Variants in GATD1 observed in about 807,000 individuals in gnomAD.
The protein encoded by GATD1 is glutamine amidotransferase-like class 1 domain-containing protein 1.
In GATD1, 23 loss-of-function variants were observed where a neutral mutation model predicts 25.9. The ratio of observed to expected loss-of-function variants is 0.89; its 90% confidence interval spans 0.64 to 1.26. GATD1 has a LOEUF of 1.26. Among genes scored for constraint, GATD1 ranks in the 50% most tolerant of loss-of-function variants. The probability of loss-of-function intolerance (pLI) is 0.00; values close to 1 mark genes in which losing one functional copy is unlikely to be tolerated. For missense variants in GATD1, 347 were observed against 312.5 expected, an observed-to-expected ratio of 1.11 and a Z score of -0.83; for synonymous variants, 177 against 134.6, an observed-to-expected ratio of 1.31 and a Z score of -2.18.
chr11:777,326 T>C, intron 1 of GATD1, 73 bp downstream of exon 1: 1 of 1,152,460 alleles, frequency 8.7e-7, no homozygotes, highest in Non-Finnish European at 1.1e-6. Flanking sequence ...GCCCACCGTG[T>C]CCCGAACCTC....
At position 767,302 on chromosome 11, in the gene GATD1, C is replaced by T. The variant is rs572299947; in HGVS notation, c.*3595G>A. ...TATGGGGAAATCCTCACCCGCCCTC[C>T]GCTGCTCTTCTGGAGGTCTGTCCTC... On this transcript the variant is annotated 3_prime_UTR_variant, in exon 8 of 8. Coordinates refer to ENST00000319863, the MANE Select transcript of GATD1 (RefSeq NM_182612.4). 81 of 1,536,214 alleles carry T rather than the reference C, an allele frequency of 5.3e-5. No homozygotes were observed. The highest frequency in any genetic ancestry group is 3.4e-4 in the East Asian group (14 of 40,926).
At position 770,309 on chromosome 11, in the gene GATD1, C is replaced by A; in HGVS notation, c.*588G>T. 6.5e-7 allele frequency: 1 copy of A among 1,531,294 alleles called. No individual in the cohort carries two copies. The highest frequency in any genetic ancestry group is 8.7e-7 in the Non-Finnish European group (1 of 1,144,594). 94.9% of individuals were successfully genotyped at this position (1,531,294 alleles called of 1,614,324 possible). ...TAGGACAGGGTGCATCACTGAGGTGCTTACACTTTGAAACCACACGCCAGG... is the reference window on the plus strand; with the variant it reads ...TAGGACAGGGTGCATCACTGAGGTGATTACACTTTGAAACCACACGCCAGG... On this transcript the variant is annotated 3_prime_UTR_variant, in exon 8 of 8. Transcript: ENST00000319863.
chr11:772,534 C>T lies in GATD1; in HGVS notation c.356-13G>A, dbSNP rs745543784. ...GCGCAGATGGGTTCTGAAAGCCGTA[C>T]ATGGCGTTGAGGCCCTGGACCCCGC... On this transcript the variant is annotated splice_polypyrimidine_tract_variant and intron_variant, in intron 4 of 7. Transcript: ENST00000319863. The T allele has an allele frequency of 6.8e-6, 11 of 1,607,618 alleles. No individual in the cohort carries two copies. The highest frequency in any genetic ancestry group is 1.7e-5 in the Admixed American group (1 of 60,000).
Position 769,292 on chromosome 11 carries a change from T to C in GATD1, c.*1605A>G, listed in dbSNP as rs1863232877. ...GCAGCGCTTCCTTCTTCCACTTTTT[T>C]CCAAATTCTCCTTATTGAACGGCTT... is the stretch of plus-strand genomic sequence containing the variant. On this transcript the variant is annotated 3_prime_UTR_variant, in exon 8 of 8. Transcript: ENST00000319863. 1.0e-6 allele frequency: 1 copy of C among 985,264 alleles called. No individual in the cohort carries two copies. The highest frequency in any genetic ancestry group is 1.7e-5 in the African/African-American group (1 of 57,314). 61.0% of individuals were successfully genotyped at this position (985,264 alleles called of 1,614,324 possible).
At chr11:772,008 G>GC (rs1489147334) in intron 5 of GATD1, among the ~76,000 whole-genome samples, 1 of 152,192 alleles carries the variant, frequency 6.6e-6, no homozygotes, top group Non-Finnish European at 1.5e-5. Context: ...TGTCCACAGA[G>GC]CCCACTTCAC....
Position 767,414 on chromosome 11 carries a change from A to C in GATD1, c.*3483T>G, listed in dbSNP as rs1227865520. ...CTGTGCACAGCGGGGAGGCTCTCCA[A>C]GCCAGAGGCCTCGCACGCAGCTGAG... On this transcript the variant is annotated 3_prime_UTR_variant, in exon 8 of 8. Coordinates refer to ENST00000319863, the MANE Select transcript of GATD1 (RefSeq NM_182612.4). 3 of 1,523,176 alleles carry C rather than the reference A, an allele frequency of 2.0e-6. No homozygotes were observed. The East Asian group carries it at 7.4e-5, about 37-fold the overall frequency. 94.4% of individuals were successfully genotyped at this position (1,523,176 alleles called of 1,614,324 possible).
chr11:767,392 T>C lies in GATD1; in HGVS notation c.*3505A>G. ...CCCTGCCCTGGCAAAGAGAGAACTG[T>C]GCACAGCGGGGAGGCTCTCCAAGCC... On this transcript the variant is annotated 3_prime_UTR_variant, in exon 8 of 8. Transcript: ENST00000319863. 15 of 1,533,706 alleles carry C rather than the reference T, an allele frequency of 9.8e-6. No homozygotes were observed. The highest frequency in any genetic ancestry group is 1.3e-5 in the Non-Finnish European group (15 of 1,145,694).
At position 770,362 on chromosome 11, in the gene GATD1, C is replaced by T. The variant is rs868801475; in HGVS notation, c.*535G>A. The T allele has an allele frequency of 6.5e-7, 1 of 1,534,166 alleles. No individual in the cohort carries two copies. The highest frequency in any genetic ancestry group is 8.7e-7 in the Non-Finnish European group (1 of 1,145,938). On this transcript the variant is annotated 3_prime_UTR_variant, in exon 8 of 8. Transcript: ENST00000319863. Reference sequence around the variant, plus strand: ...GATTTCTTCAACAGGAAAGTGCTGCCAGTGCCGGTCGGCCTTGGGGCAGGA... The same window carrying T: ...GATTTCTTCAACAGGAAAGTGCTGCTAGTGCCGGTCGGCCTTGGGGCAGGA...
Position 773,615 on chromosome 11 carries a change from CAT to C in GATD1, c.260_261del (p.His87ArgfsTer30). 1 of 1,608,310 alleles carries C rather than the reference CAT, an allele frequency of 6.2e-7. No homozygotes were observed. Among genetic ancestry groups the C allele is most frequent in the Non-Finnish European group, 8.5e-7 (1 of 1,178,486 alleles). On this transcript the variant is annotated frameshift_variant, in exon 4 of 8. Transcript: ENST00000319863. LOFTEE classifies it high-confidence loss of function. ...CCAGGACAGCTGGGGATCAGGAGGG[CAT>C]GGTACCGGGCACCTGGGGGGAGACC... ...KLESIDGARY[H>X]ALLIPSCPGA...
In GATD1 at chr11:767,737, G is replaced by T; in HGVS notation, c.*3160C>A. 1.7e-6 allele frequency: 1 copy of T among 587,342 alleles called. No homozygotes were observed. The highest frequency in any genetic ancestry group is 2.3e-6 in the Non-Finnish European group (1 of 441,354). 36.4% of individuals were successfully genotyped at this position (587,342 alleles called of 1,614,324 possible). On this transcript the variant is annotated 3_prime_UTR_variant, in exon 8 of 8. Coordinates refer to ENST00000319863, the MANE Select transcript of GATD1 (RefSeq NM_182612.4). ...AGGGCAGGGGCACAGCCTCATCATG[G>T]GACCATCACCCTCACAAAAGAGGTT...
Position 767,399 on chromosome 11 carries a change from CGGGGA to C in GATD1, c.*3493_*3497del, listed in dbSNP as rs1188971009. 1.3e-6 allele frequency: 2 copies of C among 1,528,776 alleles called. No individual in the cohort carries two copies. Among genetic ancestry groups the C allele is most frequent in the Non-Finnish European group, 1.7e-6 (2 of 1,143,628 alleles). 94.7% of individuals were successfully genotyped at this position (1,528,776 alleles called of 1,614,324 possible). A position where few individuals can be genotyped will look rare whatever the true frequency, so the allele number is the denominator to read the frequency against. ...CTGGCAAAGAGAGAACTGTGCACAG[CGGGGA>C]GGCTCTCCAAGCCAGAGGCCTCGCA... is the stretch of plus-strand genomic sequence containing the variant. On this transcript the variant is annotated 3_prime_UTR_variant, in exon 8 of 8. Transcript: ENST00000319863.
chr11:773,957 C>A, intron 3 of GATD1, 51 bp downstream of exon 3: 1 of 1,533,864 alleles, frequency 6.5e-7, no homozygotes, highest in Non-Finnish European at 9.0e-7. Flanking sequence ...GAACCCTTGA[C>A]CCTCCAAGGT....
rs1469995752 is a variant in GATD1, at chr11:767,903, T to G, written c.*2994A>C. 1 of 152,028 alleles carries G rather than the reference T, an allele frequency of 6.6e-6. No homozygotes were observed. The highest frequency in any genetic ancestry group is 2.0e-4 in the East Asian group (1 of 5,124). 9.4% of individuals were successfully genotyped at this position (152,028 alleles called of 1,614,324 possible). On this transcript the variant is annotated 3_prime_UTR_variant, in exon 8 of 8. Coordinates refer to ENST00000319863, the MANE Select transcript of GATD1 (RefSeq NM_182612.4). ...TCTTGCTCTGTCACCCAGACTAGAG[T>G]GCAGTGGCACGATGTCAGCTCACTG...
Position 767,534 on chromosome 11 carries a change from T to G in GATD1, c.*3363A>C. 1 of 1,426,380 alleles carries G rather than the reference T, an allele frequency of 7.0e-7. No individual in the cohort carries two copies. The highest frequency in any genetic ancestry group is 9.1e-7 in the Non-Finnish European group (1 of 1,096,054). 88.4% of individuals were successfully genotyped at this position (1,426,380 alleles called of 1,614,324 possible). On this transcript the variant is annotated 3_prime_UTR_variant, in exon 8 of 8. Transcript: ENST00000319863. ...TCACATCCCAAAGCCCCACCTGCTTTGATCTTCAATGCTGGGCTCAATGTC... is the reference window on the plus strand; with the variant it reads ...TCACATCCCAAAGCCCCACCTGCTTGGATCTTCAATGCTGGGCTCAATGTC...
chr11:773,085 A>T (rs1312947390), intron 4 of GATD1, among the ~76,000 whole-genome samples: 4 of 152,224 alleles, frequency 2.6e-5, no homozygotes, highest in Non-Finnish European at 1.5e-5. Context: ...GGTGCTGTGT[A>T]GAGCGCTGGC....
At chr11:771,466 C>T in intron 5 of GATD1, 40 bp from the exon 6 acceptor site, 1 of 1,497,060 alleles carries the variant, frequency 6.7e-7, no homozygotes. Context: ...CAGGCCCAGG[C>T]CCTGCGGCCC....
chr11:772,055 C>T (rs1368478265), intron 5 of GATD1, among the ~76,000 whole-genome samples: 2 of 152,192 alleles, frequency 1.3e-5, no homozygotes, highest in African/African-American at 4.8e-5. Flanking sequence ...GCTGTGTCTC[C>T]GAGGACACCC....
Position 777,481 on chromosome 11 carries a change from G to T in GATD1, c.-19C>A. On this transcript the variant is annotated 5_prime_UTR_variant, in exon 1 of 8. Coordinates refer to ENST00000319863, the MANE Select transcript of GATD1 (RefSeq NM_182612.4). ...ACGCCATGGCTCGGGCTCGGCGCTG[G>T]GTCTGCGCGTGCGCGGCGTCTGGGC... is the stretch of plus-strand genomic sequence containing the variant. 21 of 1,206,276 alleles carry T rather than the reference G, an allele frequency of 1.7e-5. No homozygotes were observed. The highest frequency in any genetic ancestry group is 2.2e-5 in the Non-Finnish European group (21 of 970,222). The allele number at this position is 1,206,276 out of a possible 1,614,324, so 74.7% of individuals were successfully genotyped here.
chr11:769,164 T>C lies in GATD1; in HGVS notation c.*1733A>G, dbSNP rs902515374. ...GTCCATCACCACACGGGGATGAGAG[T>C]GGACCCGGGACAGAGCAAGGCCCCG... On this transcript the variant is annotated 3_prime_UTR_variant, in exon 8 of 8. Coordinates refer to ENST00000319863, the MANE Select transcript of GATD1 (RefSeq NM_182612.4). 2.9e-5 allele frequency: 29 copies of C among 984,902 alleles called. No homozygotes were observed. The highest frequency in any genetic ancestry group is 5.3e-5 in the African/African-American group (3 of 57,068). 61.0% of individuals were successfully genotyped at this position (984,902 alleles called of 1,614,324 possible).
Sources: gnomAD v4.1 joint callset for allele counts (sites outside exome capture counted in the v4.1 genomes callset) on GRCh38, gnomAD v4.1.1 for gene constraint, MANE v1.5 for transcripts, NCBI Gene and HGNC (gene_info 2026-07-23, HGNC 2026-07-21) for gene names.